The following SLC9A9 variants were observed in gnomAD, a reference collection of about 807,000 sequenced individuals.
SLC9A9 encodes sodium/hydrogen exchanger 9.
In SLC9A9, 62 loss-of-function variants were observed where a neutral mutation model predicts 77.8. The observed-to-expected ratio is 0.80, with a 90% CI of 0.65 to 0.98. The LOEUF (loss-of-function observed/expected upper bound fraction) is 0.98, where lower values mean the gene tolerates loss of function less well. SLC9A9 is among the 50% of genes least tolerant of loss of function. The probability of loss-of-function intolerance (pLI) is 0.00; values close to 1 mark genes in which losing one functional copy is unlikely to be tolerated. For synonymous variants in SLC9A9, 320 were observed against 283.5 expected, an observed-to-expected ratio of 1.13 and a Z score of -1.29; for missense variants, 775 against 774.9, an observed-to-expected ratio of 1.00 and a Z score of 0.00.
intron 12 of SLC9A9, among the ~76,000 whole-genome samples, chr3:143,448,351 A>T (rs2034882179): frequency 1.3e-5 from 2 of 152,176 alleles, no homozygotes; most frequent in South Asian, 4.1e-4. Flanking sequence ...CTGAGTCTGG[A>T]AAGATTTCTC....
intron 4 of SLC9A9, among the ~76,000 whole-genome samples, chr3:143,777,716 CT>C (rs34103558): frequency 0.41 from 56,289 of 135,642 alleles, 12,212 homozygotes; most frequent in South Asian, 0.7. Flanking sequence ...GTCACTGATA[CT>C]TTTTTTTTTT....
At chr3:143,762,364 C>G (rs953498514) in intron 4 of SLC9A9, among the ~76,000 whole-genome samples, 5 of 152,060 alleles carry the variant, frequency 3.3e-5, no homozygotes, top group Admixed American at 3.3e-4. Flanking sequence ...TAACCACCAC[C>G]ATCATACCTA....
At chr3:143,530,304 T>C (rs777165420) in intron 9 of SLC9A9, among the ~76,000 whole-genome samples, 16 of 152,282 alleles carry the variant, frequency 1.1e-4, no homozygotes, top group African/African-American at 2.9e-4. Context: ...AATTGAATCA[T>C]GGGGGCTGTT....
intron 4 of SLC9A9, among the ~76,000 whole-genome samples, chr3:143,780,131 T>C (rs2007824234): frequency 6.6e-6 from 1 of 152,200 alleles, no homozygotes; most frequent in Non-Finnish European, 1.5e-5. Context: ...AGTAACACCT[T>C]CACAATCATG....
chr3:143,703,398 A>T (rs1212059262), intron 4 of SLC9A9, among the ~76,000 whole-genome samples: 1 of 152,146 alleles, frequency 6.6e-6, no homozygotes, highest in East Asian at 1.9e-4. Flanking sequence ...AAAACAAAAA[A>T]ATAGTAACAA....
chr3:143,326,809 C>T (rs967092521), intron 14 of SLC9A9, among the ~76,000 whole-genome samples: 22 of 152,164 alleles, frequency 1.4e-4, no homozygotes, highest in Non-Finnish European at 4.4e-5. Context: ...ACCTTCCATC[C>T]CCAGCATCTA....
chr3:143,406,679 A>T (rs2033988318), intron 12 of SLC9A9, among the ~76,000 whole-genome samples: 1 of 152,200 alleles, frequency 6.6e-6, no homozygotes, highest in Non-Finnish European at 1.5e-5. Flanking sequence ...AATGATGCTA[A>T]AAAAGACCAA....
At chr3:143,323,091 G>A (rs1237016376) in intron 14 of SLC9A9, among the ~76,000 whole-genome samples, 1 of 152,160 alleles carries the variant, frequency 6.6e-6, no homozygotes, top group Non-Finnish European at 1.5e-5. Flanking sequence ...ATGTTGGTGA[G>A]GATTTGGAGA....
At chr3:143,794,258 G>T (rs1404928772) in intron 4 of SLC9A9, among the ~76,000 whole-genome samples, 3 of 152,116 alleles carry the variant, frequency 2.0e-5, no homozygotes, top group Non-Finnish European at 4.4e-5. Context: ...AAAAATCAAG[G>T]ATAGAGTTGA....
intron 4 of SLC9A9, among the ~76,000 whole-genome samples, chr3:143,724,228 T>A (rs1041226965): frequency 6.6e-6 from 1 of 152,150 alleles, no homozygotes; most frequent in Non-Finnish European, 1.5e-5. Flanking sequence ...GATCTGATGG[T>A]TTAAAAGGGT....
chr3:143,390,699 A>C (rs910228972), intron 12 of SLC9A9, among the ~76,000 whole-genome samples: 1 of 152,182 alleles, frequency 6.6e-6, no homozygotes, highest in Non-Finnish European at 1.5e-5. Flanking sequence ...TCCATTTCCT[A>C]GTCAAGGGAA....
chr3:143,620,933 C>T (rs1254208476), intron 6 of SLC9A9, among the ~76,000 whole-genome samples: 2 of 152,200 alleles, frequency 1.3e-5, no homozygotes, highest in African/African-American at 4.8e-5. Flanking sequence ...TGCGCTTTTC[C>T]AATGGTCTTA....
chr3:143,544,161 T>C (rs1489188401), intron 9 of SLC9A9, among the ~76,000 whole-genome samples: 1 of 152,206 alleles, frequency 6.6e-6, no homozygotes, highest in Non-Finnish European at 1.5e-5. Context: ...TGGCCACTTG[T>C]ATGTTTTCTT....
At chr3:143,367,239 C>G (rs762082852) in intron 13 of SLC9A9, among the ~76,000 whole-genome samples, 3 of 152,192 alleles carry the variant, frequency 2.0e-5, no homozygotes, top group Non-Finnish European at 4.4e-5. Context: ...CACATGCAAT[C>G]TCTTTCTAAA....
At chr3:143,616,500 G>C (rs576128615) in intron 6 of SLC9A9, among the ~76,000 whole-genome samples, 2 of 152,212 alleles carry the variant, frequency 1.3e-5, no homozygotes, top group East Asian at 3.9e-4. Context: ...GTTATCACTG[G>C]ATTATGGCAT....
intron 12 of SLC9A9, among the ~76,000 whole-genome samples, chr3:143,406,447 G>A (rs1049111833): frequency 1.3e-5 from 2 of 151,266 alleles, no homozygotes; most frequent in Non-Finnish European, 2.9e-5. Context: ...GCGCGATCTC[G>A]ACTCACTGCA....
intron 12 of SLC9A9, among the ~76,000 whole-genome samples, chr3:143,400,172 T>A (rs1287330371): frequency 6.6e-6 from 1 of 152,112 alleles, no homozygotes; most frequent in Non-Finnish European, 1.5e-5. Context: ...ATAATAAAAA[T>A]CCAGGGTTCA....
chr3:143,541,457 G>A (rs1382987515), intron 9 of SLC9A9, among the ~76,000 whole-genome samples: 1 of 152,182 alleles, frequency 6.6e-6, no homozygotes. Flanking sequence ...ACCCAGCAAA[G>A]CTGATACTCC....
chr3:143,610,713 C>T (rs759886658), intron 6 of SLC9A9, among the ~76,000 whole-genome samples: 9 of 152,194 alleles, frequency 5.9e-5, no homozygotes, highest in Non-Finnish European at 1.0e-4. Flanking sequence ...CCCCTTTCCA[C>T]ACAGGGCTCC....
Sources: gnomAD v4.1 joint callset for allele counts (sites outside exome capture counted in the v4.1 genomes callset) on GRCh38, gnomAD v4.1.1 for gene constraint, MANE v1.5 for transcripts, NCBI Gene and HGNC (gene_info 2026-07-23, HGNC 2026-07-21) for gene names.